The following AGO4 variants were observed in gnomAD, a reference collection of about 807,000 sequenced individuals.
The protein encoded by AGO4 is argonaute RISC component 4, also known as protein argonaute-4.
In AGO4, 33 loss-of-function variants were observed where a neutral mutation model predicts 104.7. The observed-to-expected ratio is 0.32, with a 90% confidence interval of 0.24 to 0.42. The LOEUF (loss-of-function observed/expected upper bound fraction) is 0.42. Among genes scored for constraint, AGO4 ranks in the 10% least tolerant of loss-of-function variants. AGO4 has a pLI of 1.00. For synonymous variants in AGO4, 331 were observed against 364.7 expected (o/e 0.91, Z 1.05); for missense variants, 711 against 1,083.4 (o/e 0.66, Z 4.83).
Position 35,841,813 on chromosome 1 carries a change from T to TAC in AGO4, c.2175+64_2175+65insCA. On this transcript the variant is annotated intron_variant, in intron 15 of 17. Transcript: ENST00000373210. This position sits in a 1 kb window ranked among gnomAD's most constrained non-coding sequence, Gnocchi z 4.7. The stretch of plus-strand genomic sequence containing the variant: ...CTGGCAAGAGATGTATATATGCACA[T>TAC]ATATATATATATATATATATATATA... 1.2e-4 allele frequency: 1 copy of TAC among 8,660 alleles called. No individual in the cohort carries two copies. The allele number at this position is 8,660 out of a possible 1,614,324, so 0.5% of individuals were successfully genotyped here. A position where few individuals can be genotyped will look rare whatever the true frequency, so the allele number is the denominator to read the frequency against.
At chr1:35,829,774 G>A (rs1332851747) in intron 7 of AGO4, among the ~76,000 whole-genome samples, 4 of 150,106 alleles carry the variant, frequency 2.7e-5, no homozygotes, top group African/African-American at 4.9e-5. Context: ...ACTTGAACCC[G>A]GGAGGCAGAG....
intron 9 of AGO4, 60 bp from the exon 10 acceptor site, chr1:35,831,997 C>T: frequency 1.2e-6 from 2 of 1,605,392 alleles, no homozygotes; most frequent in Non-Finnish European, 1.7e-6. Flanking sequence ...GAATAGAAAA[C>T]TCCTCCTGGG....
In AGO4 at chr1:35,823,026, T is replaced by A. The variant is rs1643921702; in HGVS notation, c.306+44T>A. 5 of 1,589,642 alleles carry A rather than the reference T, an allele frequency of 3.1e-6. No individual in the cohort carries two copies. The East Asian group carries it at 1.1e-4, about 36-fold the overall frequency. ...AAATACTTAGTTCATTTAGTAGTAA[T>A]TATACATGACAAAAATATTTCCTTT... On this transcript the variant is annotated intron_variant, in intron 3 of 17. Coordinates refer to ENST00000373210, the MANE Select transcript of AGO4 (RefSeq NM_017629.4).
Position 35,841,571 on chromosome 1 carries a change from C to A in AGO4, c.2041-45C>A. 1.2e-6 allele frequency: 2 copies of A among 1,613,278 alleles called. No homozygotes were observed. The highest frequency in any genetic ancestry group is 1.7e-6 in the Non-Finnish European group (2 of 1,179,470). On this transcript the variant is annotated intron_variant, in intron 14 of 17. Transcript: ENST00000373210. This position sits in a 1 kb window ranked among gnomAD's most constrained non-coding sequence, Gnocchi z 4.7. ...CCATTCTGGGTAGATCTGAGAGATA[C>A]TAGGCAAATTCTCAATTAAACATAA...
intron 12 of AGO4, 148 bp from the exon 13 acceptor site, chr1:35,835,686 C>A: frequency 3.4e-6 from 2 of 581,764 alleles, no homozygotes; most frequent in African/African-American, 1.9e-5. Context: ...GGGGGTTTAG[C>A]AGATAAAAGG....
chr1:35,852,434 G>A (rs1644724547), intron 17 of AGO4, among the ~76,000 whole-genome samples: 1 of 152,150 alleles, frequency 6.6e-6, no homozygotes, highest in South Asian at 2.1e-4. Context: ...TTGTTACTCC[G>A]AAAGACCAAA....
intron 15 of AGO4, among the ~76,000 whole-genome samples, chr1:35,842,303 A>C (rs1644465061): frequency 6.6e-6 from 1 of 152,012 alleles, no homozygotes; most frequent in East Asian, 1.9e-4. Context: ...TTCATCCCAA[A>C]ACCATCTCCC....
intron 10 of AGO4, 22 bp downstream of exon 10, chr1:35,832,207 G>C: frequency 6.2e-7 from 1 of 1,607,782 alleles, no homozygotes; most frequent in Non-Finnish European, 8.5e-7. Context: ...ATTTTATTCA[G>C]CAAGCTTCTT....
chr1:35,820,545 C>G (rs559329777), intron 2 of AGO4, among the ~76,000 whole-genome samples: 17 of 151,880 alleles, frequency 1.1e-4, no homozygotes, highest in African/African-American at 4.1e-4. Flanking sequence ...TTAGTAGAGA[C>G]GAGGTTTCAC....
chr1:35,813,131 C>T (rs946493849), intron 1 of AGO4, among the ~76,000 whole-genome samples: 3 of 152,020 alleles, frequency 2.0e-5, no homozygotes, highest in South Asian at 2.1e-4. Flanking sequence ...TTTAGTGGGC[C>T]GGGCGCAGTG....
At chr1:35,840,166 T>G (rs111414222) in intron 13 of AGO4, among the ~76,000 whole-genome samples, 6,809 of 142,836 alleles carry the variant, frequency 0.048, 272 homozygotes, top group African/African-American at 0.12. Context: ...TAATTTTTTT[T>G]TTTGTTTGTT....
intron 3 of AGO4, among the ~76,000 whole-genome samples, chr1:35,823,310 T>C (rs1401816571): frequency 6.6e-6 from 1 of 151,708 alleles, no homozygotes; most frequent in Admixed American, 6.6e-5. Flanking sequence ...TGGAATGCAG[T>C]GGTTTGGTCT....
intron 17 of AGO4, 129 bp downstream of exon 17, chr1:35,851,182 G>A (rs887586236): frequency 5.5e-6 from 5 of 908,624 alleles, no homozygotes; most frequent in Admixed American, 2.6e-5. Flanking sequence ...AAATAAAATT[G>A]CATGTGCCTC....
At chr1:35,839,423 ACTT>A (rs2148675841) in intron 13 of AGO4, among the ~76,000 whole-genome samples, 1 of 152,048 alleles carries the variant, frequency 6.6e-6, no homozygotes, top group Non-Finnish European at 1.5e-5. Flanking sequence ...TTGGCGTTAA[ACTT>A]CTTTGGTTTG....
chr1:35,836,060 A>T (rs548212430), intron 13 of AGO4, 67 bp downstream of exon 13: 3 of 1,527,304 alleles, frequency 2.0e-6, no homozygotes, highest in Admixed American at 3.7e-5. Flanking sequence ...GGGAAAGCAC[A>T]CAAATATTAT....
intron 7 of AGO4, 107 bp from the exon 8 acceptor site, chr1:35,831,320 C>A: frequency 7.9e-7 from 1 of 1,259,120 alleles, no homozygotes; most frequent in Non-Finnish European, 1.1e-6. Flanking sequence ...CCATGCACTC[C>A]AGCCTGGGCG....
rs1410468040 is a variant in AGO4 at position 35,808,330 on chromosome 1, A to G, written c.-87A>G. 7.2e-6 allele frequency: 6 copies of G among 837,124 alleles called. No individual in the cohort carries two copies. In the South Asian group the frequency reaches 3.2e-4, roughly 44 times the overall value. The allele number at this position is 837,124 out of a possible 1,614,324, so 51.9% of individuals were successfully genotyped here. A position where few individuals can be genotyped will look rare whatever the true frequency, so the allele number is the denominator to read the frequency against. On this transcript the variant is annotated 5_prime_UTR_variant, in exon 1 of 18. Coordinates refer to ENST00000373210, the MANE Select transcript of AGO4 (RefSeq NM_017629.4). This position sits in a 1 kb window ranked among gnomAD's most constrained non-coding sequence, Gnocchi z 5.2. ...CCCCAGCGCCAATATTCCGGAGATCAAGCGTTACGCGGCGGCGGCGGCGGC... is the reference window on the plus strand; with the variant it reads ...CCCCAGCGCCAATATTCCGGAGATCGAGCGTTACGCGGCGGCGGCGGCGGC...
chr1:35,829,840 TAAAAA>T (rs752406279), intron 7 of AGO4, among the ~76,000 whole-genome samples: 2 of 62,184 alleles, frequency 3.2e-5, no homozygotes, highest in East Asian at 4.1e-4. Context: ...GACTACATCT[TAAAAA>T]AAAAAAAAAA....
chr1:35,816,971 G>T lies in AGO4; in HGVS notation c.109G>T (p.Val37Phe). ...TCGACTGTTAGCCAATCATTTTCAG[G>T]TTCAGATTCCTAAAATAGATGTGTA... Reference protein sequence around the residue: ...PIRLLANHFQVQIPKIDVYHY... With the variant: ...PIRLLANHFQFQIPKIDVYHY... Residue 37 changes from valine (V) to phenylalanine (F), a missense_variant, in exon 2 of 18, where the codon GTT becomes TTT. Coordinates refer to ENST00000373210, the MANE Select transcript of AGO4 (RefSeq NM_017629.4). The T allele has an allele frequency of 6.2e-7, 1 of 1,614,016 alleles. No individual in the cohort carries two copies. The highest frequency in any genetic ancestry group is 8.5e-7 in the Non-Finnish European group (1 of 1,179,974).
Sources: gnomAD v4.1 joint callset for allele counts (sites outside exome capture counted in the v4.1 genomes callset) on GRCh38, gnomAD v4.1.1 for gene constraint, Gnocchi (gnomAD v3.1) non-coding constraint, MANE v1.5 for transcripts, NCBI Gene and HGNC (gene_info 2026-07-23, HGNC 2026-07-21) for gene names.